The following EPHA6 variants were observed in gnomAD, a reference collection of about 807,000 sequenced individuals.
The protein encoded by EPHA6 is EPH receptor A6, also known as ephrin type-A receptor 6.
In EPHA6, 50 loss-of-function variants were observed where a neutral mutation model predicts 112.0. That is an observed-to-expected ratio of 0.45 (90% confidence interval 0.36 to 0.56). EPHA6 has a LOEUF of 0.56. Among genes scored for constraint, EPHA6 ranks in the 20% least tolerant of loss-of-function variants. The pLI is 0.00. For synonymous variants in EPHA6, 529 were observed against 490.7 expected (o/e 1.08, Z -1.03); for missense variants, 1,280 against 1,417.4 (o/e 0.90, Z 1.56).
At chr3:97,700,304 A>G (rs529355537) in intron 14 of EPHA6, among the ~76,000 whole-genome samples, 2 of 152,306 alleles carry the variant, frequency 1.3e-5, no homozygotes, top group African/African-American at 4.8e-5. Context: ...CATATTATGA[A>G]TTAATTCCCC....
intron 12 of EPHA6, among the ~76,000 whole-genome samples, chr3:97,609,667 T>C (rs368683980): frequency 4.6e-5 from 7 of 151,492 alleles, no homozygotes; most frequent in African/African-American, 1.7e-4. Flanking sequence ...ACATACATTG[T>C]ACTAATTCGT....
intron 2 of EPHA6, among the ~76,000 whole-genome samples, chr3:96,923,103 G>A (rs1016503388): frequency 4.6e-5 from 7 of 151,982 alleles, no homozygotes; most frequent in East Asian, 1.9e-4. Flanking sequence ...GTGAACATAC[G>A]CATGCATGTA....
chr3:97,566,099 G>A (rs1382430863), intron 11 of EPHA6, among the ~76,000 whole-genome samples: 1 of 152,048 alleles, frequency 6.6e-6, no homozygotes, highest in Non-Finnish European at 1.5e-5. Flanking sequence ...CATCTGTTTG[G>A]CTTCTGGTGA....
At chr3:97,013,585 T>C (rs1042022650) in intron 3 of EPHA6, among the ~76,000 whole-genome samples, 1 of 152,182 alleles carries the variant, frequency 6.6e-6, no homozygotes, top group African/African-American at 2.4e-5. Context: ...GTACTATTTA[T>C]AATTGTGCTG....
At chr3:97,008,772 G>A (rs564324054) in intron 3 of EPHA6, among the ~76,000 whole-genome samples, 2 of 151,884 alleles carry the variant, frequency 1.3e-5, no homozygotes, top group Non-Finnish European at 2.9e-5. Flanking sequence ...TGAGGCTGCT[G>A]ACCCTTGGAT....
chr3:97,644,901 C>T (rs1347641529), intron 14 of EPHA6, among the ~76,000 whole-genome samples: 1 of 152,104 alleles, frequency 6.6e-6, no homozygotes, highest in Non-Finnish European at 1.5e-5. Context: ...CTATTCCAAT[C>T]AGTAAAAAAG....
intron 11 of EPHA6, among the ~76,000 whole-genome samples, chr3:97,577,034 A>G (rs551679455): frequency 1.3e-5 from 2 of 152,166 alleles, no homozygotes; most frequent in Admixed American, 1.3e-4. Context: ...TTATTTATTT[A>G]GAGACAAGAT....
At chr3:96,850,452 G>A (rs146051387) in intron 1 of EPHA6, among the ~76,000 whole-genome samples, 1 of 152,212 alleles carries the variant, frequency 6.6e-6, no homozygotes, top group African/African-American at 2.4e-5. Flanking sequence ...TGGCTTCCTG[G>A]TGGCATGATG....
chr3:97,237,400 A>C (rs921791023), intron 4 of EPHA6, among the ~76,000 whole-genome samples: 1 of 152,028 alleles, frequency 6.6e-6, no homozygotes, highest in Admixed American at 6.6e-5. Flanking sequence ...CTAAACACAT[A>C]TACTTTAATT....
intron 2 of EPHA6, among the ~76,000 whole-genome samples, chr3:96,978,998 G>T (rs1002538329): frequency 3.3e-5 from 5 of 151,964 alleles, no homozygotes; most frequent in African/African-American, 1.2e-4. Flanking sequence ...GTTGAACATG[G>T]TTAATGCTTT....
chr3:97,657,903 C>A (rs1037671820), intron 14 of EPHA6, among the ~76,000 whole-genome samples: 3 of 151,666 alleles, frequency 2.0e-5, no homozygotes, highest in African/African-American at 7.3e-5. Flanking sequence ...GATTAACTGC[C>A]CTACTACAAT....
At chr3:97,031,671 AT>A (rs1387693248) in intron 3 of EPHA6, among the ~76,000 whole-genome samples, 1 of 152,218 alleles carries the variant, frequency 6.6e-6, no homozygotes, top group Non-Finnish European at 1.5e-5. Flanking sequence ...GAAGACATAT[AT>A]GCAGCCAAAA....
intron 2 of EPHA6, among the ~76,000 whole-genome samples, chr3:96,929,570 G>A (rs1221765580): frequency 6.6e-6 from 1 of 152,182 alleles, no homozygotes; most frequent in African/African-American, 2.4e-5. Flanking sequence ...CTTCTGGCTT[G>A]TAGAGTTTCT....
intron 3 of EPHA6, among the ~76,000 whole-genome samples, chr3:97,225,942 A>C (rs561010160): frequency 6.6e-6 from 1 of 152,308 alleles, no homozygotes; most frequent in African/African-American, 2.4e-5. Context: ...CCTTACTGCC[A>C]GTCATGGGCA....
intron 12 of EPHA6, among the ~76,000 whole-genome samples, chr3:97,595,666 T>C (rs2093582502): frequency 1.5e-5 from 2 of 129,900 alleles, no homozygotes; most frequent in African/African-American, 6.3e-5. Context: ...AAAAAGGAAA[T>C]CACAGGAGAG....
intron 4 of EPHA6, among the ~76,000 whole-genome samples, chr3:97,239,254 C>A (rs2078771596): frequency 6.6e-6 from 1 of 151,818 alleles, no homozygotes; most frequent in Non-Finnish European, 1.5e-5. Flanking sequence ...TTAAGGGAGT[C>A]TCCTATAGGA....
At chr3:97,486,545 A>G (rs987323943) in intron 10 of EPHA6, among the ~76,000 whole-genome samples, 1 of 152,182 alleles carries the variant, frequency 6.6e-6, no homozygotes, top group African/African-American at 2.4e-5. Flanking sequence ...TTCCTGCTGC[A>G]TCATAACATG....
At chr3:97,252,845 C>CATCT (rs1356723486) in intron 5 of EPHA6, among the ~76,000 whole-genome samples, 1 of 152,200 alleles carries the variant, frequency 6.6e-6, no homozygotes, top group East Asian at 1.9e-4. Context: ...GAGAGCTGTG[C>CATCT]ATCTGCACAA....
intron 2 of EPHA6, among the ~76,000 whole-genome samples, chr3:96,900,681 A>G (rs1419712894): frequency 2.0e-5 from 3 of 152,226 alleles, no homozygotes; most frequent in Non-Finnish European, 4.4e-5. Context: ...GAATAAGAAG[A>G]TTCACATGGA....
Sources: gnomAD v4.1 joint callset for allele counts (sites outside exome capture counted in the v4.1 genomes callset) on GRCh38, gnomAD v4.1.1 for gene constraint, MANE v1.5 for transcripts, NCBI Gene and HGNC (gene_info 2026-07-23, HGNC 2026-07-21) for gene names.